The following ARHGEF6 variants were observed in gnomAD, a reference collection of about 807,000 sequenced individuals.
ARHGEF6 encodes Rac/Cdc42 guanine nucleotide exchange factor 6, also known as rho guanine nucleotide exchange factor 6.
ARHGEF6 carries 9 observed loss-of-function variants against 70.3 expected under a neutral mutation model. The ratio of observed to expected loss-of-function variants is 0.13; its 90% CI spans 0.08 to 0.22. ARHGEF6 has a LOEUF of 0.22. Ranked by LOEUF, ARHGEF6 falls within the 10% of genes least tolerant of loss-of-function variation. The pLI, the probability that ARHGEF6 is intolerant of heterozygous loss-of-function variation, is 1.00. For synonymous variants in ARHGEF6, 201 were observed against 207.8 expected (o/e 0.97, Z 0.28); for missense variants, 470 against 563.0 (o/e 0.83, Z 1.67).
intron 2 of ARHGEF6, among the ~76,000 whole-genome samples, chrX:136,761,607 T>C (rs1409120131): frequency 8.9e-6 from 1 of 112,630 alleles, no homozygotes; most frequent in Non-Finnish European, 1.9e-5. Context: ...CTGTTAAGCA[T>C]GGAGAACAGA....
chrX:136,688,293 G>C (rs1368055067), intron 10 of ARHGEF6, among the ~76,000 whole-genome samples: 1 of 111,675 alleles, frequency 9.0e-6, no homozygotes, highest in African/African-American at 3.3e-5. Context: ...AAGAAATTAA[G>C]AGAGTTGGTA....
intron 15 of ARHGEF6, 54 bp from the exon 16 acceptor site, chrX:136,679,714 T>C: frequency 8.4e-7 from 1 of 1,193,702 alleles, no homozygotes; most frequent in Non-Finnish European, 1.1e-6. Flanking sequence ...CCCGACCTTG[T>C]GCCACACAGT....
chrX:136,735,950 C>A (rs981148144), intron 5 of ARHGEF6, among the ~76,000 whole-genome samples: 1 of 111,610 alleles, frequency 9.0e-6, no homozygotes, highest in African/African-American at 3.3e-5. Context: ...TACCTAATCC[C>A]CTCAATTGAT....
intron 11 of ARHGEF6, among the ~76,000 whole-genome samples, chrX:136,686,641 TAC>T (rs771810689): frequency 0.065 from 4,300 of 66,640 alleles, 359 homozygotes; most frequent in African/African-American, 0.26. Flanking sequence ...TATATATATA[TAC>T]ACACATATAT....
At chrX:136,706,390 G>A (rs1480533186) in intron 9 of ARHGEF6, among the ~76,000 whole-genome samples, 2 of 111,308 alleles carry the variant, frequency 1.8e-5, no homozygotes, top group African/African-American at 6.5e-5. Flanking sequence ...CGCAGACTAG[G>A]GAAGGCAAAA....
intron 6 of ARHGEF6, among the ~76,000 whole-genome samples, chrX:136,726,083 C>A (rs2076849287): frequency 8.9e-6 from 1 of 111,804 alleles, no homozygotes; most frequent in Non-Finnish European, 1.9e-5. Flanking sequence ...CTCAGGAAAC[C>A]TTAAATCAAA....
intron 2 of ARHGEF6, among the ~76,000 whole-genome samples, chrX:136,760,923 G>A (rs769745820): frequency 2.0e-3 from 228 of 112,281 alleles, no homozygotes; most frequent in Non-Finnish European, 2.1e-3. Flanking sequence ...AGGTAAACAT[G>A]AGCAACTGAA....
chrX:136,776,229 C>A (rs765901067), intron 2 of ARHGEF6, among the ~76,000 whole-genome samples: 4 of 111,557 alleles, frequency 3.6e-5, no homozygotes, highest in African/African-American at 1.3e-4. Context: ...ACACACATAG[C>A]CAAAGCAAGA....
chrX:136,687,133 T>C (rs2076411569), intron 11 of ARHGEF6, among the ~76,000 whole-genome samples: 2 of 111,895 alleles, frequency 1.8e-5, no homozygotes, highest in Non-Finnish European at 3.8e-5. Flanking sequence ...GCTTGCGCCA[T>C]GTAAAACTGC....
At chrX:136,769,634 T>C (rs1282296968) in intron 2 of ARHGEF6, among the ~76,000 whole-genome samples, 1 of 111,000 alleles carries the variant, frequency 9.0e-6, no homozygotes, top group African/African-American at 3.3e-5. Flanking sequence ...GACAATGCAA[T>C]CAAAGAGGTA....
intron 4 of ARHGEF6, among the ~76,000 whole-genome samples, chrX:136,744,157 C>T (rs753071121): frequency 1.8e-5 from 2 of 111,740 alleles, no homozygotes; most frequent in African/African-American, 6.5e-5. Flanking sequence ...AACACACAAA[C>T]AGTCCACATA....
Position 136,747,502 on chromosome X carries a change from G to T in ARHGEF6, c.334+6C>A. 1 of 1,204,765 alleles carries T rather than the reference G, an allele frequency of 8.3e-7. No homozygotes were observed. Among genetic ancestry groups the T allele is most frequent in the East Asian group, 3.0e-5 (1 of 33,767 alleles). ...CCAGAACATATAAATCACAAGCCCG[G>T]CTTACCTTCTGTTGCTTTGTTGACA... On this transcript the variant is annotated splice_donor_region_variant and intron_variant, in intron 3 of 21. Transcript: ENST00000250617.
At chrX:136,713,233 T>C (rs1043715349) in intron 7 of ARHGEF6, 43 bp downstream of exon 7, 1 of 960,167 alleles carries the variant, frequency 1.0e-6, no homozygotes, top group African/African-American at 1.9e-5. Flanking sequence ...ATGTTGACAT[T>C]ATGTTGCTTT....
chrX:136,720,670 G>A (rs2076787068), intron 6 of ARHGEF6, among the ~76,000 whole-genome samples: 1 of 110,570 alleles, frequency 9.0e-6, no homozygotes, highest in African/African-American at 3.3e-5. Context: ...AATGCAATAA[G>A]AAAAAAATAA....
intron 9 of ARHGEF6, among the ~76,000 whole-genome samples, chrX:136,691,647 A>G (rs1812443140): frequency 8.9e-6 from 1 of 112,049 alleles, no homozygotes; most frequent in South Asian, 3.7e-4. Context: ...CCAGTCAGTC[A>G]CAAATCTTCT....
intron 6 of ARHGEF6, among the ~76,000 whole-genome samples, chrX:136,716,161 G>A (rs191187236): frequency 2.2e-4 from 25 of 112,670 alleles, no homozygotes; most frequent in African/African-American, 6.8e-4. Flanking sequence ...AGCTGGTTTC[G>A]AGCTCCTGAC....
At chrX:136,779,010 C>T (rs1274210949) in intron 2 of ARHGEF6, among the ~76,000 whole-genome samples, 1 of 111,584 alleles carries the variant, frequency 9.0e-6, no homozygotes, top group Non-Finnish European at 1.9e-5. Flanking sequence ...CTTTTCAAGG[C>T]CTCTGTTCTA....
intron 2 of ARHGEF6, among the ~76,000 whole-genome samples, chrX:136,773,541 G>A (rs1326647139): frequency 8.9e-6 from 1 of 111,793 alleles, no homozygotes; most frequent in East Asian, 2.8e-4. Flanking sequence ...GCCTCAATAT[G>A]GCTCCTATAT....
intron 20 of ARHGEF6, among the ~76,000 whole-genome samples, chrX:136,670,411 C>A (rs1415304821): frequency 9.0e-6 from 1 of 111,380 alleles, no homozygotes; most frequent in Admixed American, 9.5e-5. Flanking sequence ...CCATTTTTTT[C>A]TGAATATCTT....
Sources: allele counts gnomAD v4.1 joint callset (sites outside exome capture counted in the v4.1 genomes callset), GRCh38; gene constraint gnomAD v4.1.1; transcripts MANE v1.5; gene names NCBI Gene and HGNC (gene_info 2026-07-23, HGNC 2026-07-21).